Variants in MAGI1 observed in about 807,000 individuals in gnomAD.
MAGI1 encodes the protein membrane associated guanylate kinase, WW and PDZ domain containing 1.
MAGI1 carries 58 observed loss-of-function variants against 139.9 expected under a neutral mutation model. The observed-to-expected ratio is 0.41, with a 90% confidence interval of 0.34 to 0.52. The LOEUF is 0.52. MAGI1 is among the 20% of genes least tolerant of loss of function. The pLI is 0.12. For synonymous variants in MAGI1, 812 were observed against 737.9 expected (o/e 1.10, Z -1.63); for missense variants, 1,874 against 1,901.6 (o/e 0.99, Z 0.27).
chr3:65,859,337 C>T (rs947103186), intron 1 of MAGI1, among the ~76,000 whole-genome samples: 1 of 151,874 alleles, frequency 6.6e-6, no homozygotes, highest in East Asian at 1.9e-4. Context: ...ATTGTTTTAG[C>T]TAAGCACCTG....
At chr3:65,556,853 G>A (rs1419036976) in intron 2 of MAGI1, among the ~76,000 whole-genome samples, 1 of 152,104 alleles carries the variant, frequency 6.6e-6, no homozygotes, top group Non-Finnish European at 1.5e-5. Context: ...TTTATGGTCT[G>A]GTGTCTTGCC....
At chr3:65,375,708 A>ATG in intron 18 of MAGI1, 37 bp downstream of exon 18, 1 of 1,375,448 alleles carries the variant, frequency 7.3e-7, no homozygotes, top group Non-Finnish European at 1.0e-6. Flanking sequence ...GAGAGAGAAA[A>ATG]AGAGAGAGAG....
At chr3:65,604,015 C>T (rs746581642) in intron 2 of MAGI1, among the ~76,000 whole-genome samples, 9 of 152,144 alleles carry the variant, frequency 5.9e-5, no homozygotes, top group Non-Finnish European at 1.3e-4. Flanking sequence ...TGTTTCAACA[C>T]GTGAATTTTG....
chr3:65,361,003 C>T, intron 22 of MAGI1, 196 bp downstream of exon 22: 1 of 1,461,720 alleles, frequency 6.8e-7, no homozygotes, highest in Non-Finnish European at 9.0e-7. Context: ...GGCCATGCCC[C>T]AGTCCACGTA....
chr3:65,783,078 T>C (rs2039066905), intron 1 of MAGI1, among the ~76,000 whole-genome samples: 1 of 151,538 alleles, frequency 6.6e-6, no homozygotes, highest in Admixed American at 6.6e-5. Context: ...AACAACACCA[T>C]CAAGAAAGTG....
At chr3:65,387,069 G>A (rs1943504414) in intron 14 of MAGI1, 2 of 1,326,866 alleles carry the variant, frequency 1.5e-6, no homozygotes, top group Non-Finnish European at 2.2e-6. Context: ...CTTCTCCCCA[G>A]GCCCCCAGAC....
chr3:65,501,863 G>A (rs1289974218), intron 2 of MAGI1, among the ~76,000 whole-genome samples: 1 of 152,188 alleles, frequency 6.6e-6, no homozygotes, highest in African/African-American at 2.4e-5. Context: ...AAGAACTACT[G>A]CTCAGCAAAA....
chr3:65,470,988 G>C (rs1950527711), intron 4 of MAGI1, among the ~76,000 whole-genome samples: 1 of 152,082 alleles, frequency 6.6e-6, no homozygotes, highest in South Asian at 2.1e-4. Flanking sequence ...AAATATTTTT[G>C]GTAGACACTG....
chr3:65,381,477 TA>T (rs1250236933), intron 16 of MAGI1, among the ~76,000 whole-genome samples: 1 of 152,192 alleles, frequency 6.6e-6, no homozygotes, highest in Non-Finnish European at 1.5e-5. Flanking sequence ...GTAACTTTTT[TA>T]TGAGCTTATT....
chr3:65,417,347 T>A (rs977970068), intron 12 of MAGI1, among the ~76,000 whole-genome samples: 2 of 152,042 alleles, frequency 1.3e-5, no homozygotes, highest in African/African-American at 4.8e-5. Flanking sequence ...AAGACTGATA[T>A]AATGGAGGAT....
chr3:65,853,631 T>G (rs1372154237), intron 1 of MAGI1, among the ~76,000 whole-genome samples: 2 of 152,166 alleles, frequency 1.3e-5, no homozygotes, highest in Non-Finnish European at 2.9e-5. Flanking sequence ...GATCAGTAAG[T>G]AAAACCTGAG....
intron 2 of MAGI1, among the ~76,000 whole-genome samples, chr3:65,501,367 GA>G (rs757706472): frequency 6.7e-6 from 1 of 149,942 alleles, no homozygotes; most frequent in Non-Finnish European, 1.5e-5. Flanking sequence ...AGCTACTTGG[GA>G]GGCTGAGGCA....
chr3:65,814,259 G>T (rs1361313577), intron 1 of MAGI1, among the ~76,000 whole-genome samples: 1 of 152,074 alleles, frequency 6.6e-6, no homozygotes, highest in Non-Finnish European at 1.5e-5. Flanking sequence ...AAACAGTCAT[G>T]ATAAAATTCA....
intron 12 of MAGI1, among the ~76,000 whole-genome samples, chr3:65,415,416 T>C (rs1266233491): frequency 2.0e-5 from 3 of 152,190 alleles, no homozygotes; most frequent in Admixed American, 6.5e-5. Context: ...TCCATCGTCA[T>C]GACAGTGCTG....
chr3:65,410,304 T>C (rs550340816), intron 12 of MAGI1, among the ~76,000 whole-genome samples: 1 of 152,320 alleles, frequency 6.6e-6, no homozygotes, highest in South Asian at 2.1e-4. Context: ...GACATAAATT[T>C]ATTCTTCGTA....
At chr3:65,587,885 C>T (rs1255117245) in intron 2 of MAGI1, among the ~76,000 whole-genome samples, 1 of 152,150 alleles carries the variant, frequency 6.6e-6, no homozygotes, top group Non-Finnish European at 1.5e-5. Context: ...AATGAAACAA[C>T]AGAAGCACTC....
intron 1 of MAGI1, among the ~76,000 whole-genome samples, chr3:65,701,280 CT>C (rs1263726831): frequency 3.3e-5 from 5 of 152,144 alleles, no homozygotes; most frequent in African/African-American, 9.7e-5. Flanking sequence ...GAGACAGAGT[CT>C]TGCTCTTGTC....
chr3:65,806,940 T>C (rs1448723227), intron 1 of MAGI1, among the ~76,000 whole-genome samples: 2 of 152,212 alleles, frequency 1.3e-5, no homozygotes, highest in East Asian at 1.9e-4. Context: ...TAGTTGATGA[T>C]GATAACGATG....
intron 1 of MAGI1, among the ~76,000 whole-genome samples, chr3:65,974,702 G>T (rs1018637459): frequency 2.0e-5 from 3 of 152,104 alleles, no homozygotes; most frequent in African/African-American, 7.2e-5. Flanking sequence ...TCAGCAGGGG[G>T]CTTCAGTTCC....
Sources: allele counts gnomAD v4.1 joint callset (sites outside exome capture counted in the v4.1 genomes callset), GRCh38; gene constraint gnomAD v4.1.1; transcripts MANE v1.5; gene names NCBI Gene and HGNC (gene_info 2026-07-23, HGNC 2026-07-21).